SLIT3: variants seen among roughly 807,000 people sequenced by gnomAD.
SLIT3 encodes slit guidance ligand 3, also known as slit homolog 3 protein.
SLIT3 carries 68 observed loss-of-function variants against 184.0 expected under a neutral mutation model. That is an observed-to-expected ratio of 0.37 (90% CI 0.30 to 0.45). The LOEUF (loss-of-function observed/expected upper bound fraction) is 0.45. Among genes scored for constraint, SLIT3 ranks in the 20% least tolerant of loss-of-function variants. The pLI, the probability that SLIT3 is intolerant of heterozygous loss-of-function variation, is 1.00. For missense variants in SLIT3, 1,707 were observed against 2,026.0 expected (o/e 0.84, Z 3.02); for synonymous variants, 831 against 828.6 (o/e 1.00, Z -0.05).
At chr5:169,053,921 C>T (rs2113070027) in intron 4 of SLIT3, among the ~76,000 whole-genome samples, 1 of 152,052 alleles carries the variant, frequency 6.6e-6, no homozygotes, top group South Asian at 2.1e-4. Flanking sequence ...AACCCCATCT[C>T]TACTAAAAAA....
At chr5:169,058,384 G>A (rs1022229993) in intron 4 of SLIT3, among the ~76,000 whole-genome samples, 1 of 152,154 alleles carries the variant, frequency 6.6e-6, no homozygotes, top group Non-Finnish European at 1.5e-5. Flanking sequence ...GGTTTCCATT[G>A]GAAAGGCTTA....
intron 4 of SLIT3, among the ~76,000 whole-genome samples, chr5:169,011,606 C>T: frequency 6.6e-6 from 1 of 152,154 alleles, no homozygotes; most frequent in Non-Finnish European, 1.5e-5. Context: ...GCCCAGCACA[C>T]TCAAGACAGT....
At chr5:169,175,783 G>A (rs558500068) in intron 4 of SLIT3, among the ~76,000 whole-genome samples, 2 of 152,000 alleles carry the variant, frequency 1.3e-5, no homozygotes, top group East Asian at 1.9e-4. Flanking sequence ...TCTTTCCTTC[G>A]CCTGTTTCTG....
At chr5:168,690,222 C>T (rs553668986) in intron 29 of SLIT3, among the ~76,000 whole-genome samples, 44 of 151,902 alleles carry the variant, frequency 2.9e-4, no homozygotes, top group Non-Finnish European at 4.9e-4. Flanking sequence ...CTGCAACCTC[C>T]GCCTCCTGGG....
Position 168,824,452 on chromosome 5 carries a change from G to A in SLIT3, c.558-1121C>T, listed in dbSNP as rs980391029. ...GAAGCCAGGCTATAGGCAAGTACCC[G>A]GGCTTACCCTTCTGGAGAAACCTAT... On this transcript the variant is annotated intron_variant, in intron 6 of 35. Coordinates refer to ENST00000519560, the MANE Select transcript of SLIT3 (RefSeq NM_003062.4). 3.3e-5 allele frequency among the ~76,000 whole-genome samples: 5 copies of A among 152,160 alleles called. No individual in the cohort carries two copies. In the South Asian group the frequency reaches 6.2e-4, roughly 19 times the overall value.
intron 9 of SLIT3, among the ~76,000 whole-genome samples, chr5:168,796,131 A>T (rs905570480): frequency 1.3e-5 from 2 of 152,216 alleles, no homozygotes; most frequent in African/African-American, 2.4e-5. Context: ...CCAGCCTGAC[A>T]TTCATCAAAC....
intron 14 of SLIT3, among the ~76,000 whole-genome samples, chr5:168,771,989 T>A (rs1180416866): frequency 6.6e-6 from 1 of 152,042 alleles, no homozygotes; most frequent in Non-Finnish European, 1.5e-5. Context: ...TTTGGTGATT[T>A]TTTTTCCAGT....
rs114607363 is a variant in SLIT3, at chr5:168,878,311, G to A, written c.485+4954C>T. 3.3e-3 allele frequency among the ~76,000 whole-genome samples: 499 copies of A among 152,286 alleles called. 2 individuals carry two copies. Among genetic ancestry groups the A allele is most frequent in the African/African-American group, 9.7e-3 (402 of 41,554 alleles). ...CTCTGGAGAAGCAGGAAGCAATTAG[G>A]GACTTCCTTCTGCTGTCTGGAGGGG... On this transcript the variant is annotated intron_variant, in intron 5 of 35. Coordinates refer to ENST00000519560, the MANE Select transcript of SLIT3 (RefSeq NM_003062.4).
chr5:169,072,952 C>T (rs886953195), intron 4 of SLIT3, among the ~76,000 whole-genome samples: 73 of 152,312 alleles, frequency 4.8e-4, no homozygotes, highest in African/African-American at 1.7e-3. Flanking sequence ...ACAGCAGATC[C>T]CAGCCTACCT....
intron 4 of SLIT3, among the ~76,000 whole-genome samples, chr5:169,073,648 C>T (rs1289591694): frequency 6.6e-6 from 1 of 152,122 alleles, no homozygotes; most frequent in East Asian, 1.9e-4. Context: ...GTGCTATTCC[C>T]ATGGTAATGG....
intron 1 of SLIT3, among the ~76,000 whole-genome samples, chr5:169,276,115 A>C (rs75056302): frequency 1.3e-3 from 196 of 152,272 alleles, no homozygotes; most frequent in African/African-American, 4.2e-3. Context: ...ATTGAACGCT[A>C]CACGAAATTC....
At chr5:169,163,082 G>A (rs1456827621) in intron 4 of SLIT3, among the ~76,000 whole-genome samples, 2 of 152,152 alleles carry the variant, frequency 1.3e-5, no homozygotes, top group African/African-American at 2.4e-5. Flanking sequence ...CAGCACTTTG[G>A]GAGGTCGAGG....
chr5:169,065,501 T>G (rs1380117261), intron 4 of SLIT3, among the ~76,000 whole-genome samples: 1 of 151,774 alleles, frequency 6.6e-6, no homozygotes, highest in East Asian at 1.9e-4. Flanking sequence ...CCCCAGAAGT[T>G]CTATACTTGT....
intron 4 of SLIT3, among the ~76,000 whole-genome samples, chr5:169,187,480 G>A (rs985139021): frequency 3.3e-5 from 5 of 152,074 alleles, no homozygotes; most frequent in African/African-American, 1.2e-4. Flanking sequence ...GGATAGGTGG[G>A]CCAAAAGGAG....
chr5:168,998,572 C>T (rs768912630), intron 4 of SLIT3, among the ~76,000 whole-genome samples: 2 of 151,962 alleles, frequency 1.3e-5, no homozygotes, highest in Admixed American at 6.6e-5. Context: ...GGAGTGGTGG[C>T]GCATACCTGT....
At chr5:168,967,940 T>C (rs1763270299) in intron 4 of SLIT3, among the ~76,000 whole-genome samples, 2 of 152,222 alleles carry the variant, frequency 1.3e-5, no homozygotes, top group South Asian at 2.1e-4. Context: ...TACCTCCTGC[T>C]AGCACTTTCG....
At chr5:169,149,861 G>A (rs1762055158) in intron 4 of SLIT3, among the ~76,000 whole-genome samples, 1 of 152,160 alleles carries the variant, frequency 6.6e-6, no homozygotes, top group Non-Finnish European at 1.5e-5. Context: ...GCTGCAGCAG[G>A]CTAGATGAGA....
At chr5:169,194,233 CAAAAAAAAAAAAAAAAAAAAA>C (rs10571842) in intron 3 of SLIT3, among the ~76,000 whole-genome samples, 24 of 61,386 alleles carry the variant, frequency 3.9e-4, no homozygotes, top group Non-Finnish European at 5.6e-4. Context: ...GACTCTGTCT[CAAAAAAAAAAAAAAAAAAAAA>C]AAAAAAAAGA....
intron 29 of SLIT3, among the ~76,000 whole-genome samples, chr5:168,687,594 C>G (rs1371661824): frequency 6.6e-6 from 1 of 152,220 alleles, no homozygotes. Context: ...ACTTAGTTTA[C>G]ACTTGCGTGT....
Sources: allele counts gnomAD v4.1 joint callset (sites outside exome capture counted in the v4.1 genomes callset), GRCh38; gene constraint gnomAD v4.1.1; transcripts MANE v1.5; gene names NCBI Gene and HGNC (gene_info 2026-07-23, HGNC 2026-07-21).